Variants in CDX1 observed in about 807,000 individuals in gnomAD.
CDX1 encodes caudal type homeobox 1, also known as homeobox protein CDX-1.
A neutral mutation model predicts 16.9 loss-of-function variants in CDX1; 9 were observed. The observed-to-expected ratio is 0.53, with a 90% CI of 0.32 to 0.93. The LOEUF (loss-of-function observed/expected upper bound fraction) is 0.93, where lower values mean the gene tolerates loss of function less well. CDX1 is among the 40% of genes least tolerant of loss of function. The pLI, the probability that CDX1 is intolerant of heterozygous loss-of-function variation, is 0.04. For synonymous variants in CDX1, 179 were observed against 179.0 expected, an observed-to-expected ratio of 1.00 and a Z score of 0.00; for missense variants, 393 against 386.1, an observed-to-expected ratio of 1.02 and a Z score of -0.15.
rs758737905 is a variant in CDX1, at chr5:150,166,986, C to G, written c.110C>G (p.Pro37Arg). Residue 37 changes from proline (P) to arginine (R), a missense_variant, in exon 1 of 3, where the codon CCG becomes CGG. Transcript: ENST00000231656. ...GCCTACGGCCCCCCGGCCCCGCCCC[C>G]GGCGCCCCCGCAGTACCCCGACTTC... ...PQAYGPPAPP[P>R]APPQYPDFSS... The G allele has an allele frequency of 1.4e-6, 2 of 1,446,486 alleles. No individual in the cohort carries two copies. The highest frequency in any genetic ancestry group is 1.8e-6 in the Non-Finnish European group (2 of 1,104,378). 89.6% of individuals were successfully genotyped at this position (1,446,486 alleles called of 1,614,324 possible). A position where few individuals can be genotyped will look rare whatever the true frequency, so the allele number is the denominator to read the frequency against.
Position 150,183,857 on chromosome 5 carries a change from A to T in CDX1, c.*177A>T. 4.4e-6 allele frequency: 2 copies of T among 459,164 alleles called. No homozygotes were observed. Among genetic ancestry groups the T allele is most frequent in the Non-Finnish European group, 7.7e-6 (2 of 258,676 alleles). 28.4% of individuals were successfully genotyped at this position (459,164 alleles called of 1,614,324 possible). ...CATCTGTGCAGTAAGCCTGTTGGAT[A>T]AAGACCTTCCAGCTCCTGTGTTCTA... On this transcript the variant is annotated 3_prime_UTR_variant, in exon 3 of 3. Coordinates refer to ENST00000231656, the MANE Select transcript of CDX1 (RefSeq NM_001804.3).
chr5:150,177,347 A>C (rs576148848), intron 1 of CDX1, among the ~76,000 whole-genome samples: 94 of 152,328 alleles, frequency 6.2e-4, no homozygotes, highest in Middle Eastern at 3.4e-3. Context: ...CATTGCACAG[A>C]TCCATTCCCT....
chr5:150,172,434 A>G (rs1761519459), intron 1 of CDX1, among the ~76,000 whole-genome samples: 2 of 152,124 alleles, frequency 1.3e-5, no homozygotes, highest in Non-Finnish European at 2.9e-5. Context: ...TAGTATACTC[A>G]TTTTATAGAT....
chr5:150,171,140 T>TC (rs1371665763), intron 1 of CDX1, among the ~76,000 whole-genome samples: 1 of 151,950 alleles, frequency 6.6e-6, no homozygotes, highest in African/African-American at 2.4e-5. Context: ...AATCCTCCCC[T>TC]CCCCCCACAT....
chr5:150,177,271 T>C (rs142276595), intron 1 of CDX1, among the ~76,000 whole-genome samples: 2 of 152,362 alleles, frequency 1.3e-5, no homozygotes, highest in Non-Finnish European at 2.9e-5. Flanking sequence ...CAACAAACAT[T>C]GGGAGGTTCA....
rs531566609 is a variant in CDX1, at chr5:150,169,300, C to T, written c.445+1979C>T. ...TGGCTCATCCTCTGGTCTCAAAAGT[C>T]GCTTGAAAACTGTTGTCTGCAGGCA... On this transcript the variant is annotated intron_variant, in intron 1 of 2. Coordinates refer to ENST00000231656, the MANE Select transcript of CDX1 (RefSeq NM_001804.3). Among the ~76,000 whole-genome samples, 7 of 152,164 alleles carry T rather than the reference C, an allele frequency of 4.6e-5. No homozygotes were observed. In the East Asian group the frequency reaches 7.7e-4, roughly 17 times the overall value.
intron 1 of CDX1, among the ~76,000 whole-genome samples, chr5:150,178,401 G>A (rs1432992980): frequency 2.0e-5 from 3 of 152,140 alleles, no homozygotes; most frequent in Non-Finnish European, 4.4e-5. Flanking sequence ...TACTTATTAG[G>A]TGGCTGGGAG....
rs1165020282 is a variant in CDX1 at position 150,183,997 on chromosome 5, T to A, written c.*317T>A. 1.2e-5 allele frequency: 3 copies of A among 252,400 alleles called. No homozygotes were observed. The highest frequency in any genetic ancestry group is 2.2e-5 in the African/African-American group (1 of 45,228). 15.6% of individuals were successfully genotyped at this position (252,400 alleles called of 1,614,324 possible). A position where few individuals can be genotyped will look rare whatever the true frequency, so the allele number is the denominator to read the frequency against. On this transcript the variant is annotated 3_prime_UTR_variant, in exon 3 of 3. Transcript: ENST00000231656. ...CAAGGCTCCAGGCCCCACCTCCTCC[T>A]CCATACGTTCAGAGGTGCAGCTGGA... is the stretch of plus-strand genomic sequence containing the variant.
chr5:150,171,729 T>G (rs1487279399), intron 1 of CDX1, among the ~76,000 whole-genome samples: 5 of 152,236 alleles, frequency 3.3e-5, no homozygotes, highest in Non-Finnish European at 7.3e-5. Flanking sequence ...TTGAAGCCAT[T>G]CTCCTGCTAC....
chr5:150,170,384 C>T (rs1761488773), intron 1 of CDX1, among the ~76,000 whole-genome samples: 1 of 152,210 alleles, frequency 6.6e-6, no homozygotes, highest in Admixed American at 6.5e-5. Context: ...CCGTGAGGTC[C>T]AGAACTATGT....
rs775632135 is a variant in CDX1 at position 150,166,900 on chromosome 5, C to T, written c.24C>T (p.Asp8=). 5.3e-5 allele frequency: 81 copies of T among 1,521,450 alleles called. No homozygotes were observed. Among genetic ancestry groups the T allele is most frequent in the Admixed American group, 1.1e-4 (5 of 47,176 alleles). The allele number at this position is 1,521,450 out of a possible 1,614,324, so 94.2% of individuals were successfully genotyped here. ...CCATGTATGTGGGCTATGTGCTGGA[C>T]AAGGATTCGCCCGTGTACCCCGGCC... The part of the protein sequence containing the change: MYVGYVL[D]KDSPVYPGPA... Residue 8 remains aspartate (D), a synonymous_variant, in exon 1 of 3, where the codon GAC becomes GAT. Transcript: ENST00000231656.
Position 150,180,133 on chromosome 5 carries a change from C to T in CDX1, c.446-2635C>T, listed in dbSNP as rs1312017692. On this transcript the variant is annotated intron_variant, in intron 1 of 2. Transcript: ENST00000231656. ...CTCTCACAACCGCTTCCAGCTTTAG[C>T]CCAGTGAACCCAATGGGTCTGTGGA... Among the ~76,000 whole-genome samples the T allele has an allele frequency of 3.3e-5, 5 of 152,270 alleles. No homozygotes were observed. In the East Asian group the frequency reaches 9.6e-4, roughly 29 times the overall value.
Position 150,166,935 on chromosome 5 carries a change from C to A in CDX1, c.59C>A (p.Pro20Gln). The A allele has an allele frequency of 6.6e-7, 1 of 1,506,864 alleles. No homozygotes were observed. The allele number at this position is 1,506,864 out of a possible 1,614,324, so 93.3% of individuals were successfully genotyped here. ...CCCGTGTACCCCGGCCCAGCCAGGCCAGCCAGCCTCGGCCTGGGCCCGCAA... is the reference window on the plus strand; with the variant it reads ...CCCGTGTACCCCGGCCCAGCCAGGCAAGCCAGCCTCGGCCTGGGCCCGCAA... ...DSPVYPGPAR[P>Q]ASLGLGPQAY... Residue 20 changes from proline (P) to glutamine (Q), a missense_variant, in exon 1 of 3, where the codon CCA becomes CAA. Physicochemically the swap from Pro to Gln is moderately conservative, Grantham distance 76 (BLOSUM62 -1). Coordinates refer to ENST00000231656, the MANE Select transcript of CDX1 (RefSeq NM_001804.3).
chr5:150,177,876 G>A (rs1761588960), intron 1 of CDX1, among the ~76,000 whole-genome samples: 1 of 152,202 alleles, frequency 6.6e-6, no homozygotes, highest in South Asian at 2.1e-4. Context: ...GACACCTCTG[G>A]AGTCACAGAG....
chr5:150,178,894 A>G (rs1158490127), intron 1 of CDX1, among the ~76,000 whole-genome samples: 2 of 151,696 alleles, frequency 1.3e-5, no homozygotes, highest in Admixed American at 1.3e-4. Context: ...ACTGGGATAT[A>G]TGGGGTTTTG....
chr5:150,178,788 G>A (rs2113952970), intron 1 of CDX1, among the ~76,000 whole-genome samples: 1 of 152,306 alleles, frequency 6.6e-6, no homozygotes, highest in East Asian at 1.9e-4. Flanking sequence ...GTTTGGGTAT[G>A]TGTGTGTCTC....
intron 1 of CDX1, among the ~76,000 whole-genome samples, chr5:150,180,973 T>TG (rs1475192661): frequency 1.3e-5 from 2 of 152,166 alleles, no homozygotes; most frequent in African/African-American, 4.8e-5. Context: ...CCCTTCCTCT[T>TG]GCAAATCTGT....
intron 1 of CDX1, among the ~76,000 whole-genome samples, chr5:150,180,152 C>T (rs996697398): frequency 3.3e-5 from 5 of 152,234 alleles, no homozygotes; most frequent in African/African-American, 9.6e-5. Flanking sequence ...CCCAATGGGT[C>T]TGTGGATTCA....
At position 150,166,938 on chromosome 5, in the gene CDX1, C is replaced by G; in HGVS notation, c.62C>G (p.Ala21Gly). 1 of 1,503,984 alleles carries G rather than the reference C, an allele frequency of 6.6e-7. No homozygotes were observed. The allele number at this position is 1,503,984 out of a possible 1,614,324, so 93.2% of individuals were successfully genotyped here. Residue 21 changes from alanine (A) to glycine (G), a missense_variant, in exon 1 of 3, where the codon GCC (alanine) becomes GGC (glycine). Coordinates refer to ENST00000231656, the MANE Select transcript of CDX1 (RefSeq NM_001804.3). ...SPVYPGPARP[A>G]SLGLGPQAYG... ...GTGTACCCCGGCCCAGCCAGGCCAG[C>G]CAGCCTCGGCCTGGGCCCGCAAGCC... is the stretch of plus-strand genomic sequence containing the variant.
Sources: allele counts gnomAD v4.1 joint callset (sites outside exome capture counted in the v4.1 genomes callset), GRCh38; gene constraint gnomAD v4.1.1; transcripts MANE v1.5; gene names NCBI Gene and HGNC (gene_info 2026-07-23, HGNC 2026-07-21).